The following RAB6A variants were observed in gnomAD, a reference collection of about 807,000 sequenced individuals.
RAB6A encodes the protein RAB6A, member RAS oncogene family, also known as ras-related protein Rab-6A.
RAB6A carries 8 observed loss-of-function variants against 32.3 expected under a neutral mutation model. The observed-to-expected ratio is 0.25, with a 90% confidence interval of 0.15 to 0.45. The LOEUF (loss-of-function observed/expected upper bound fraction) is 0.45, where lower values mean the gene tolerates loss of function less well. Among genes scored for constraint, RAB6A ranks in the 20% least tolerant of loss-of-function variants. The pLI is 1.00. For synonymous variants in RAB6A, 73 were observed against 82.1 expected (o/e 0.89, Z 0.60); for missense variants, 104 against 249.4 (o/e 0.42, Z 3.93).
chr11:73,696,445 CAGCCTCCCCA>C (rs1032248289), intron 6 of RAB6A, among the ~76,000 whole-genome samples: 1 of 152,120 alleles, frequency 6.6e-6, no homozygotes, highest in Non-Finnish European at 1.5e-5. Context: ...CCTCCCGCCT[CAGCCTCCCCA>C]AGGTGTAGGG....
At position 73,732,881 on chromosome 11, in the gene RAB6A, C is replaced by T. The variant is rs966986282; in HGVS notation, c.71-2058G>A. 3.3e-5 allele frequency among the ~76,000 whole-genome samples: 5 copies of T among 151,962 alleles called. No individual in the cohort carries two copies. In the South Asian group the frequency reaches 6.3e-4, roughly 19 times the overall value. On this transcript the variant is annotated intron_variant, in intron 1 of 7. Coordinates refer to ENST00000336083, the MANE Select transcript of RAB6A (RefSeq NM_198896.2). The stretch of plus-strand genomic sequence containing the variant: ...AGGCTGGAGTGCAGTGACGCGATCT[C>T]GGCTCACTGCAACGTCCACCTCCTG...
intron 1 of RAB6A, among the ~76,000 whole-genome samples, chr11:73,755,834 G>C (rs1279251866): frequency 6.7e-6 from 1 of 148,282 alleles, no homozygotes; most frequent in Non-Finnish European, 1.5e-5. Context: ...GGGAGAAGGG[G>C]GAAGGAAGAG....
At chr11:73,679,517 A>C (rs1380606126) in intron 7 of RAB6A, 137 bp downstream of exon 7, 1 of 1,085,584 alleles carries the variant, frequency 9.2e-7, no homozygotes, top group African/African-American at 1.6e-5. Context: ...GCTATAGAAA[A>C]CAAATGAATT....
chr11:73,700,401 A>G (rs1945721231), intron 6 of RAB6A, among the ~76,000 whole-genome samples: 1 of 152,106 alleles, frequency 6.6e-6, no homozygotes, highest in Admixed American at 6.6e-5. Context: ...TGGGCAATAT[A>G]GCAAGACCCA....
chr11:73,681,238 C>G (rs965988259), intron 6 of RAB6A, among the ~76,000 whole-genome samples: 4 of 152,106 alleles, frequency 2.6e-5, no homozygotes, highest in African/African-American at 9.7e-5. Context: ...GATACTCAAA[C>G]AATTCTTTAT....
rs374619967 is a variant in RAB6A at position 73,692,376 on chromosome 11, G to A, written c.496-12656C>T. Reference sequence around the variant, plus strand: ...AAATTAGCCGGGTGTGGTGGCAGGCGCCTGTAGTCCCAGCTACTAGGGAGG... The same window carrying A: ...AAATTAGCCGGGTGTGGTGGCAGGCACCTGTAGTCCCAGCTACTAGGGAGG... On this transcript the variant is annotated intron_variant, in intron 6 of 7. Coordinates refer to ENST00000336083, the MANE Select transcript of RAB6A (RefSeq NM_198896.2). 2.2e-4 allele frequency among the ~76,000 whole-genome samples: 33 copies of A among 151,442 alleles called. No homozygotes were observed. The East Asian group carries it at 4.7e-3, about 22-fold the overall frequency.
chr11:73,729,011 A>C, intron 2 of RAB6A, among the ~76,000 whole-genome samples: 1 of 152,246 alleles, frequency 6.6e-6, no homozygotes, highest in South Asian at 2.1e-4. Context: ...AGTTTTAGTA[A>C]ACTGTGTCTT....
intron 2 of RAB6A, chr11:73,722,305 G>GTATGTGTGTGTGTGTATGTATATA (rs1555061991): frequency 2.4e-5 from 1 of 42,368 alleles, no homozygotes; most frequent in African/African-American, 9.9e-5. Context: ...ATGTGTGTGT[G>GTATGTGTGTGTGTGTATGTATATA]TATATATATA....
chr11:73,728,139 T>G (rs1946249690), intron 2 of RAB6A, among the ~76,000 whole-genome samples: 1 of 152,194 alleles, frequency 6.6e-6, no homozygotes, highest in African/African-American at 2.4e-5. Context: ...TCAAAGTACT[T>G]GCTCTTAAGA....
intron 2 of RAB6A, among the ~76,000 whole-genome samples, chr11:73,723,933 C>G (rs975122182): frequency 4.6e-5 from 7 of 152,140 alleles, no homozygotes; most frequent in Admixed American, 4.6e-4. Context: ...AACCAGTACC[C>G]TGCATTTCAA....
intron 1 of RAB6A, chr11:73,760,241 G>T: frequency 1.4e-6 from 1 of 731,162 alleles, no homozygotes; most frequent in Non-Finnish European, 2.1e-6. Context: ...CGGGGTACGG[G>T]CAATGACCGA....
chr11:73,701,049 C>T (rs1017005916), intron 6 of RAB6A, among the ~76,000 whole-genome samples: 17 of 151,752 alleles, frequency 1.1e-4, no homozygotes, highest in African/African-American at 3.9e-4. Flanking sequence ...CTGTGAAAGC[C>T]CATTTTTAAG....
Position 73,685,707 on chromosome 11 carries a change from C to CT in RAB6A, c.496-5988_496-5987insA, listed in dbSNP as rs1945441025. Among the ~76,000 whole-genome samples the CT allele has an allele frequency of 3.4e-5, 5 of 145,690 alleles. No individual in the cohort carries two copies. The East Asian group carries it at 1.0e-3, about 30-fold the overall frequency. ...CAGCCGGGCCAACATGGTGAAACCC[C>CT]ATCTCTATTAAAAATACAAAAAAAA... On this transcript the variant is annotated intron_variant, in intron 6 of 7. Transcript: ENST00000336083.
chr11:73,717,074 CG>C (rs1946063572), intron 4 of RAB6A, among the ~76,000 whole-genome samples: 1 of 152,100 alleles, frequency 6.6e-6, no homozygotes, highest in Admixed American at 6.6e-5. Flanking sequence ...AGCTACAAAA[CG>C]TGTCAATGCA....
chr11:73,739,496 G>T (rs902876621), intron 1 of RAB6A, among the ~76,000 whole-genome samples: 7 of 147,874 alleles, frequency 4.7e-5, no homozygotes, highest in African/African-American at 1.7e-4. Flanking sequence ...TTATTTTTTT[G>T]AATCAGGGTC....
Position 73,677,946 on chromosome 11 carries a change from C to T in RAB6A, c.579G>A (p.Leu193=). 1 of 1,614,164 alleles carries T rather than the reference C, an allele frequency of 6.2e-7. No homozygotes were observed. Among genetic ancestry groups the T allele is most frequent in the Non-Finnish European group, 8.5e-7 (1 of 1,180,022 alleles). ...TGACTGGTTGCTCCTGAGGCTTTTC[C>T]AGTTTTATGTCAATCACTGAAACAA... ...RSREDMIDIK[L]EKPQEQPVSE... The change falls in exon 8 of 8, where the codon CTG becomes CTA. Residue 193 remains leucine, a synonymous_variant. Coordinates refer to ENST00000336083, the MANE Select transcript of RAB6A (RefSeq NM_198896.2).
chr11:73,683,631 C>T (rs2099308341), intron 6 of RAB6A, among the ~76,000 whole-genome samples: 2 of 151,944 alleles, frequency 1.3e-5, no homozygotes, highest in African/African-American at 4.8e-5. Flanking sequence ...CAGCTCGCCA[C>T]AACCTCCGCC....
chr11:73,714,794 C>T (rs1462177569), intron 5 of RAB6A, among the ~76,000 whole-genome samples: 3 of 151,756 alleles, frequency 2.0e-5, no homozygotes, highest in African/African-American at 4.8e-5. Flanking sequence ...GGTGAAACCC[C>T]GTCTCTACTA....
At chr11:73,739,276 A>ATAT (rs1193734730) in intron 1 of RAB6A, among the ~76,000 whole-genome samples, 1 of 20,720 alleles carries the variant, frequency 4.8e-5, no homozygotes, top group African/African-American at 1.0e-4. Context: ...AAAAAAAAAA[A>ATAT]AAAAAAAAAT....
Sources: allele counts gnomAD v4.1 joint callset (sites outside exome capture counted in the v4.1 genomes callset), GRCh38; gene constraint gnomAD v4.1.1; transcripts MANE v1.5; gene names NCBI Gene and HGNC (gene_info 2026-07-23, HGNC 2026-07-21).